The following KAZN variants were observed in gnomAD, a reference collection of about 807,000 sequenced individuals.
KAZN encodes kazrin.
Under a neutral mutation model 87.4 loss-of-function variants are expected in KAZN, and 40 were observed. That is an observed-to-expected ratio of 0.46 (90% CI 0.36 to 0.60). KAZN has a LOEUF of 0.60. Among genes scored for constraint, KAZN ranks in the 20% least tolerant of loss-of-function variants. KAZN has a pLI of 0.00. For synonymous variants in KAZN, 466 were observed against 458.3 expected (o/e 1.02, Z -0.22); for missense variants, 898 against 1,073.9 (o/e 0.84, Z 2.29).
At chr1:14,423,448 G>A (rs776013107) in intron 2 of KAZN, among the ~76,000 whole-genome samples, 1 of 152,092 alleles carries the variant, frequency 6.6e-6, no homozygotes, top group Non-Finnish European at 1.5e-5. Flanking sequence ...TCCCTGAAAC[G>A]GCACAGGGCA....
intron 2 of KAZN, among the ~76,000 whole-genome samples, chr1:14,998,880 C>T (rs1019723405): frequency 4.6e-5 from 7 of 152,172 alleles, no homozygotes; most frequent in African/African-American, 1.7e-4. Flanking sequence ...AAAACTGAGG[C>T]ATGGAGAGGT....
At chr1:13,984,407 T>G (rs1054800252) in intron 1 of KAZN, among the ~76,000 whole-genome samples, 1 of 152,238 alleles carries the variant, frequency 6.6e-6, no homozygotes, top group African/African-American at 2.4e-5. Context: ...AGTATTTCTC[T>G]CATATGTTGT....
intron 2 of KAZN, among the ~76,000 whole-genome samples, chr1:14,367,047 T>C (rs1291864629): frequency 1.3e-5 from 2 of 152,112 alleles, no homozygotes; most frequent in Non-Finnish European, 2.9e-5. Context: ...CTGGCCAACA[T>C]GGTGAAACCC....
intron 2 of KAZN, chr1:14,304,770 C>T: frequency 2.5e-6 from 1 of 396,526 alleles, no homozygotes; most frequent in East Asian, 3.6e-5. Flanking sequence ...TAAGGCATGA[C>T]ATAATTTACT....
intron 1 of KAZN, among the ~76,000 whole-genome samples, chr1:14,176,221 G>A (rs115714125): frequency 0.025 from 3,827 of 152,152 alleles, 164 homozygotes; most frequent in African/African-American, 0.087. Context: ...TTCTCAGGGA[G>A]CTTATGTATT....
At chr1:14,717,002 C>T (rs1161023313) in intron 1 of KAZN, among the ~76,000 whole-genome samples, 1 of 151,450 alleles carries the variant, frequency 6.6e-6, no homozygotes, top group East Asian at 1.9e-4. Context: ...TCTCCTCCAG[C>T]CCTGCCCTTC....
chr1:14,405,105 A>G (rs890603778), intron 2 of KAZN, among the ~76,000 whole-genome samples: 5 of 152,214 alleles, frequency 3.3e-5, no homozygotes, highest in African/African-American at 1.2e-4. Context: ...CTGAATACAT[A>G]TACAAAATGC....
chr1:14,112,694 T>C (rs1410199189), intron 1 of KAZN, among the ~76,000 whole-genome samples: 4 of 151,952 alleles, frequency 2.6e-5, no homozygotes, highest in Admixed American at 6.6e-5. Context: ...AAGCAGGGAG[T>C]TGTCTTGGCT....
chr1:14,941,818 C>CT (rs1266491426), intron 1 of KAZN, among the ~76,000 whole-genome samples: 1 of 152,194 alleles, frequency 6.6e-6, no homozygotes, highest in Admixed American at 6.5e-5. Flanking sequence ...CAGAGAGCTG[C>CT]TGTCCTCTTG....
intron 2 of KAZN, among the ~76,000 whole-genome samples, chr1:14,278,741 T>C (rs1214801910): frequency 6.6e-6 from 1 of 152,224 alleles, no homozygotes; most frequent in African/African-American, 2.4e-5. Context: ...TTTACCTCTA[T>C]GGCTTTTTAA....
At chr1:13,946,484 G>A (rs1162282621) in intron 1 of KAZN, among the ~76,000 whole-genome samples, 1 of 152,134 alleles carries the variant, frequency 6.6e-6, no homozygotes, top group East Asian at 1.9e-4. Context: ...TGCCGACACC[G>A]TGATCAATAC....
At chr1:14,450,719 C>A (rs930384769) in intron 2 of KAZN, among the ~76,000 whole-genome samples, 1 of 152,102 alleles carries the variant, frequency 6.6e-6, no homozygotes, top group African/African-American at 2.4e-5. Context: ...TTACAAACCC[C>A]GGACATCAAG....
chr1:14,370,826 G>A (rs989424055), intron 2 of KAZN, among the ~76,000 whole-genome samples: 10 of 152,074 alleles, frequency 6.6e-5, no homozygotes, highest in African/African-American at 1.7e-4. Context: ...TTGGGACTAC[G>A]GGCATGTGCT....
chr1:14,485,601 A>G (rs910167244), intron 2 of KAZN, among the ~76,000 whole-genome samples: 1 of 152,176 alleles, frequency 6.6e-6, no homozygotes, highest in African/African-American at 2.4e-5. Flanking sequence ...GCACGCAATT[A>G]AAAGTGGATC....
intron 4 of KAZN, 111 bp from the exon 5 acceptor site, chr1:15,055,980 C>T: frequency 9.5e-7 from 1 of 1,050,032 alleles, no homozygotes; most frequent in Admixed American, 2.2e-5. Flanking sequence ...CCAGCAATAC[C>T]CGGTGCAGAG....
chr1:14,489,129 C>T (rs1214729133), intron 2 of KAZN, among the ~76,000 whole-genome samples: 1 of 152,030 alleles, frequency 6.6e-6, no homozygotes, highest in Non-Finnish European at 1.5e-5. Context: ...TAAAAATAAT[C>T]TTGGGGTTTC....
intron 1 of KAZN, among the ~76,000 whole-genome samples, chr1:14,688,037 T>C (rs1417198672): frequency 6.6e-6 from 1 of 152,092 alleles, no homozygotes; most frequent in African/African-American, 2.4e-5. Flanking sequence ...ACTTCTGATA[T>C]AGGAACACGC....
At chr1:14,529,794 C>T (rs1672112670) in intron 2 of KAZN, among the ~76,000 whole-genome samples, 1 of 152,148 alleles carries the variant, frequency 6.6e-6, no homozygotes, top group Non-Finnish European at 1.5e-5. Context: ...CATTGCAAGC[C>T]CTGTTGGAGA....
At chr1:14,143,067 A>G (rs996398214) in intron 1 of KAZN, among the ~76,000 whole-genome samples, 2 of 152,198 alleles carry the variant, frequency 1.3e-5, no homozygotes, top group Admixed American at 6.5e-5. Context: ...TGAGGCCAGC[A>G]TAGGTTCCAA....
Sources: allele counts gnomAD v4.1 joint callset (sites outside exome capture counted in the v4.1 genomes callset), GRCh38; gene constraint gnomAD v4.1.1; transcripts MANE v1.5; gene names NCBI Gene and HGNC (gene_info 2026-07-23, HGNC 2026-07-21).